Variants in PXYLP1 observed in about 807,000 individuals in gnomAD.
PXYLP1 encodes the protein 2-phosphoxylose phosphatase 1.
Under a neutral mutation model 37.9 loss-of-function variants are expected in PXYLP1, and 17 were observed. The observed-to-expected ratio is 0.45, with a 90% CI of 0.31 to 0.67. The LOEUF (loss-of-function observed/expected upper bound fraction) is 0.67, where lower values mean the gene tolerates loss of function less well. Ranked by LOEUF, PXYLP1 falls within the 30% of genes least tolerant of loss-of-function variation. The pLI, the probability that PXYLP1 is intolerant of heterozygous loss-of-function variation, is 0.07. For missense variants in PXYLP1, 511 were observed against 612.0 expected (o/e 0.84, Z 1.74); for synonymous variants, 221 against 232.2 (o/e 0.95, Z 0.44).
intron 5 of PXYLP1, 137 bp downstream of exon 5, chr3:141,287,590 C>T (rs745886771): frequency 4.4e-5 from 40 of 902,758 alleles, no homozygotes; most frequent in Non-Finnish European, 6.0e-5. Context: ...GGAGCTCGGT[C>T]ACCAGGGCCT....
At chr3:141,264,662 G>A (rs972587568) in intron 2 of PXYLP1, among the ~76,000 whole-genome samples, 1 of 152,190 alleles carries the variant, frequency 6.6e-6, no homozygotes, top group Non-Finnish European at 1.5e-5. Flanking sequence ...ACAGGTAAGA[G>A]GCAGCAGCAC....
chr3:141,274,436 C>G (rs1941742155), intron 2 of PXYLP1: 1 of 1,480,552 alleles, frequency 6.8e-7, no homozygotes, highest in Non-Finnish European at 8.9e-7. Flanking sequence ...CCCCTCTGCT[C>G]CTCTCCTCTT....
chr3:141,292,157 T>C lies in PXYLP1; in HGVS notation c.506-111T>C. On this transcript the variant is annotated intron_variant, in intron 5 of 5. Coordinates refer to ENST00000286353, the MANE Select transcript of PXYLP1 (RefSeq NM_001037172.3). The surrounding 1 kb of genome is among the most constrained non-coding windows in gnomAD (Gnocchi z 4.3). ...CCACACCATGGGGAAACAGGCTGGA[T>C]GCCATTCTCTTGCCCTAAAACACTC... The C allele has an allele frequency of 9.9e-7, 1 of 1,005,952 alleles. No homozygotes were observed. Among genetic ancestry groups the C allele is most frequent in the Middle Eastern group, 3.3e-4 (1 of 3,022 alleles). 62.3% of individuals were successfully genotyped at this position (1,005,952 alleles called of 1,614,324 possible). A position where few individuals can be genotyped will look rare whatever the true frequency, so the allele number is the denominator to read the frequency against.
chr3:141,254,214 C>T (rs1008422297), intron 1 of PXYLP1, among the ~76,000 whole-genome samples: 2 of 152,192 alleles, frequency 1.3e-5, no homozygotes, highest in Non-Finnish European at 2.9e-5. Context: ...CGCCCGGCCC[C>T]TCTGGAATAT....
chr3:141,286,835 C>T (rs189850906), intron 4 of PXYLP1, among the ~76,000 whole-genome samples: 28 of 152,330 alleles, frequency 1.8e-4, no homozygotes, highest in Admixed American at 1.6e-3. Context: ...CAAAAGCTGC[C>T]TGAGGCCAGA....
At chr3:141,290,121 C>A (rs1478183747) in intron 5 of PXYLP1, among the ~76,000 whole-genome samples, 2 of 152,154 alleles carry the variant, frequency 1.3e-5, no homozygotes, top group African/African-American at 4.8e-5. Flanking sequence ...CCTACAGTAA[C>A]TATGTAAGGT....
At chr3:141,253,258 T>C (rs1291734348) in intron 1 of PXYLP1, among the ~76,000 whole-genome samples, 1 of 152,136 alleles carries the variant, frequency 6.6e-6, no homozygotes, top group Non-Finnish European at 1.5e-5. Flanking sequence ...CTGTGGGTGC[T>C]GGGCCAGGCA....
chr3:141,273,010 C>G (rs1202500551), intron 2 of PXYLP1: 1 of 985,374 alleles, frequency 1.0e-6, no homozygotes, highest in East Asian at 1.1e-4. Flanking sequence ...TCCTTTATAT[C>G]CATGTCTTCA....
At chr3:141,258,259 T>C (rs1941310077) in intron 1 of PXYLP1, among the ~76,000 whole-genome samples, 1 of 152,024 alleles carries the variant, frequency 6.6e-6, no homozygotes, top group Non-Finnish European at 1.5e-5. Context: ...GAAGACAAGA[T>C]TTGCACCAGA....
intron 2 of PXYLP1, chr3:141,274,212 A>G (rs1559891482): frequency 2.7e-6 from 3 of 1,108,028 alleles, no homozygotes; most frequent in Non-Finnish European, 1.1e-6. Context: ...GGCAAGCCTC[A>G]AGAGCTGATG....
At chr3:141,244,521 T>A (rs1422466519) in intron 1 of PXYLP1, among the ~76,000 whole-genome samples, 1 of 151,238 alleles carries the variant, frequency 6.6e-6, no homozygotes, top group Non-Finnish European at 1.5e-5. Flanking sequence ...ATTTATGTTT[T>A]CCGAAAATTT....
At chr3:141,254,658 T>C (rs574673438) in intron 1 of PXYLP1, among the ~76,000 whole-genome samples, 10 of 152,294 alleles carry the variant, frequency 6.6e-5, no homozygotes, top group South Asian at 2.1e-4. Flanking sequence ...TATTAAGATA[T>C]AGCTTTTACC....
At chr3:141,277,363 GA>G (rs1180232654) in intron 2 of PXYLP1, among the ~76,000 whole-genome samples, 2 of 152,194 alleles carry the variant, frequency 1.3e-5, no homozygotes, top group Admixed American at 6.5e-5. Context: ...GGCGGATGCT[GA>G]AAGTATGACT....
At chr3:141,281,204 C>G (rs909433937) in intron 4 of PXYLP1, among the ~76,000 whole-genome samples, 66 of 152,258 alleles carry the variant, frequency 4.3e-4, no homozygotes, top group African/African-American at 1.5e-3. Flanking sequence ...TGCCAGGTAC[C>G]AGAAGGCAGT....
At chr3:141,264,367 A>G (rs1941460478) in intron 2 of PXYLP1, among the ~76,000 whole-genome samples, 4 of 152,308 alleles carry the variant, frequency 2.6e-5, no homozygotes, top group African/African-American at 9.6e-5. Flanking sequence ...GGAGTCTGCA[A>G]ACTCTGGAGG....
rs1384593739 is a variant in PXYLP1 at position 141,285,150 on chromosome 3, T to TC, written c.366-2164_366-2163insC. On this transcript the variant is annotated intron_variant, in intron 4 of 5. Coordinates refer to ENST00000286353, the MANE Select transcript of PXYLP1 (RefSeq NM_001037172.3). ...TTTTTTTCTTTTTCTTTTTCTTTTTTTTTTTTTTTTTTTTGAGACAGGGTA... is the reference window on the plus strand; with the variant it reads ...TTTTTTTCTTTTTCTTTTTCTTTTTTCTTTTTTTTTTTTTTGAGACAGGGTA... Among the ~76,000 whole-genome samples, 990 of 141,648 alleles carry TC rather than the reference T, an allele frequency of 7.0e-3. 12 individuals carry two copies. The highest frequency in any genetic ancestry group is 0.025 in the African/African-American group (918 of 37,424). 92.9% of individuals were successfully genotyped at this position (141,648 alleles called of 152,430 possible).
Position 141,292,986 on chromosome 3 carries a change from G to T in PXYLP1, c.1224G>T (p.Trp408Cys). The T allele has an allele frequency of 6.2e-7, 1 of 1,614,162 alleles. No individual in the cohort carries two copies. Among genetic ancestry groups the T allele is most frequent in the South Asian group, 1.1e-5 (1 of 91,082 alleles). Residue 408 changes from tryptophan to cysteine, a missense_variant, in exon 6 of 6, where the codon TGG (tryptophan) becomes TGT (cysteine). By Grantham distance (215) the Trp-to-Cys change is radical (BLOSUM62 -2). Coordinates refer to ENST00000286353, the MANE Select transcript of PXYLP1 (RefSeq NM_001037172.3). This position sits in a 1 kb window ranked among gnomAD's most constrained non-coding sequence, Gnocchi z 4.3. ...CAGCCAGGTTGATCTTTGAGCTTTG[G>T]CAAGACAGAGAAAAGCCCAGTGAAC... ...RFAARLIFEL[W>C]QDREKPSEHS...
intron 4 of PXYLP1, among the ~76,000 whole-genome samples, chr3:141,284,406 C>T (rs974628776): frequency 3.3e-5 from 5 of 152,170 alleles, no homozygotes; most frequent in African/African-American, 1.2e-4. Context: ...GTTCTGTTGG[C>T]GAATGCGGCT....
At position 141,293,892 on chromosome 3, in the gene PXYLP1, G is replaced by A. The variant is rs555554921; in HGVS notation, c.*687G>A. 1 of 152,324 alleles carries A rather than the reference G, an allele frequency of 6.6e-6. No individual in the cohort carries two copies. Among genetic ancestry groups the A allele is most frequent in the East Asian group, 1.9e-4 (1 of 5,188 alleles). 9.4% of individuals were successfully genotyped at this position (152,324 alleles called of 1,614,324 possible). A position where few individuals can be genotyped will look rare whatever the true frequency, so the allele number is the denominator to read the frequency against. On this transcript the variant is annotated 3_prime_UTR_variant, in exon 6 of 6. Transcript: ENST00000286353. The stretch of plus-strand genomic sequence containing the variant: ...AGGCTATACTACAATTGCACTTCCA[G>A]CACTTTGAGAACGAGTTGAATACCA...
Sources: allele counts gnomAD v4.1 joint callset (sites outside exome capture counted in the v4.1 genomes callset), GRCh38; gene constraint gnomAD v4.1.1; non-coding constraint Gnocchi (gnomAD v3.1); transcripts MANE v1.5; gene names NCBI Gene and HGNC (gene_info 2026-07-23, HGNC 2026-07-21).